DBNDD1: variants seen among roughly 807,000 people sequenced by gnomAD.
The protein encoded by DBNDD1 is dysbindin domain-containing protein 1.
Under a neutral mutation model 17.0 loss-of-function variants are expected in DBNDD1, and 14 were observed. The observed-to-expected ratio is 0.82, with a 90% confidence interval of 0.54 to 1.29. The LOEUF (loss-of-function observed/expected upper bound fraction) is 1.29, where lower values mean the gene tolerates loss of function less well. DBNDD1 is among the 50% of genes most tolerant of loss of function. The pLI, the probability that DBNDD1 is intolerant of heterozygous loss-of-function variation, is 0.00. For missense variants in DBNDD1, 221 were observed against 216.2 expected (o/e 1.02, Z -0.14); for synonymous variants, 105 against 102.0 (o/e 1.03, Z -0.18).
chr16:90,008,686 C>G, intron 3 of DBNDD1, 98 bp downstream of exon 3: 1 of 1,082,648 alleles, frequency 9.2e-7, no homozygotes, highest in Non-Finnish European at 1.3e-6. Flanking sequence ...CAGGACGTCC[C>G]AAGGGCCCTC....
chr16:90,015,273 T>C (rs1372955189), intron 1 of DBNDD1, among the ~76,000 whole-genome samples: 1 of 152,142 alleles, frequency 6.6e-6, no homozygotes, highest in Non-Finnish European at 1.5e-5. Context: ...CAGAAGAATG[T>C]GATACCAGGG....
intron 1 of DBNDD1, chr16:90,009,986 T>G: frequency 6.2e-7 from 1 of 1,614,226 alleles, no homozygotes; most frequent in South Asian, 1.1e-5. Flanking sequence ...TGCCATTCTG[T>G]GATCCCTTAG....
chr16:90,013,742 G>A (rs906846846), intron 1 of DBNDD1, among the ~76,000 whole-genome samples: 2 of 152,166 alleles, frequency 1.3e-5, no homozygotes, highest in Admixed American at 6.5e-5. Context: ...CAAGACTTCC[G>A]AATCACCCTC....
intron 1 of DBNDD1, among the ~76,000 whole-genome samples, chr16:90,017,339 C>CA (rs1429330906): frequency 1.3e-5 from 2 of 151,870 alleles, no homozygotes; most frequent in African/African-American, 4.8e-5. Flanking sequence ...ACTAAAAGTA[C>CA]AAAAAATCAG....
chr16:90,019,703 G>A, upstream of DBNDD1: 1 of 576,008 alleles, frequency 1.7e-6, no homozygotes, highest in Non-Finnish European at 3.0e-6. This position sits in a 1 kb window ranked among gnomAD's most constrained non-coding sequence, Gnocchi z 6.1. Context: ...CCCCGGCCGG[G>A]CGTCCGGGGC....
chr16:90,009,169 G>A (rs1248571043), intron 2 of DBNDD1, 115 bp downstream of exon 2: 12 of 1,456,660 alleles, frequency 8.2e-6, no homozygotes, highest in African/African-American at 2.9e-5. Flanking sequence ...AGCACACAGC[G>A]CCGGACCTAG....
At chr16:90,006,810 C>T in intron 3 of DBNDD1, 1 of 287,616 alleles carries the variant, frequency 3.5e-6, no homozygotes, top group Admixed American at 4.1e-5. Context: ...AACTGTTCCC[C>T]CCGCAGGTGT....
chr16:90,009,155 G>A, intron 2 of DBNDD1, 129 bp downstream of exon 2: 1 of 1,395,822 alleles, frequency 7.2e-7, no homozygotes, highest in Non-Finnish European at 9.6e-7. Flanking sequence ...AGCTGCAAGA[G>A]CCTAGCACAC....
At chr16:90,019,809 C>CG (rs2035747776), upstream of DBNDD1, 1 of 685,108 alleles carries the variant, frequency 1.5e-6, no homozygotes, top group Non-Finnish European at 2.6e-6. The surrounding 1 kb of genome is among the most constrained non-coding windows in gnomAD (Gnocchi z 6.1). Context: ...GGGCGCCCCT[C>CG]GGGGCTGGCG....
intron 3 of DBNDD1, among the ~76,000 whole-genome samples, chr16:90,008,218 A>C (rs61248647): frequency 0.03 from 128 of 4,220 alleles, 3 homozygotes; most frequent in Non-Finnish European, 0.051. Context: ...TCACCCCCCA[A>C]ACACACCTCC....
intron 1 of DBNDD1, chr16:90,009,829 T>C (rs961978818): frequency 2.2e-6 from 2 of 917,356 alleles, no homozygotes; most frequent in Non-Finnish European, 3.3e-6. Context: ...TGGATTTCCA[T>C]GTCCAGCCTC....
At chr16:90,017,611 G>T (rs1334963398) in intron 1 of DBNDD1, among the ~76,000 whole-genome samples, 2 of 152,256 alleles carry the variant, frequency 1.3e-5, no homozygotes, top group African/African-American at 4.8e-5. Context: ...CTGGAGAGGA[G>T]GCTGTGGGCC....
chr16:90,016,146 G>C (rs1597584609), intron 1 of DBNDD1, among the ~76,000 whole-genome samples: 2 of 152,302 alleles, frequency 1.3e-5, no homozygotes, highest in East Asian at 3.9e-4. Flanking sequence ...CCCCAGAGCA[G>C]GCTGGGACTG....
chr16:90,014,007 T>A (rs1003548218), intron 1 of DBNDD1, among the ~76,000 whole-genome samples: 4 of 151,894 alleles, frequency 2.6e-5, no homozygotes, highest in African/African-American at 7.3e-5. Flanking sequence ...GCAGGGGTGG[T>A]GTGTGCAGGT....
chr16:90,006,723 G>A (rs1402396235), intron 3 of DBNDD1: 2 of 582,954 alleles, frequency 3.4e-6, no homozygotes, highest in African/African-American at 3.7e-5. Flanking sequence ...CTTTTCTGGT[G>A]CTCCCCGGAG....
chr16:90,011,544 G>A (rs553960059), intron 1 of DBNDD1: 3 of 405,326 alleles, frequency 7.4e-6, no homozygotes, highest in African/African-American at 4.1e-5. Context: ...GTGTCCCCTC[G>A]CCCCGTCGGC....
intron 1 of DBNDD1, among the ~76,000 whole-genome samples, chr16:90,018,599 T>C (rs2151266914): frequency 6.6e-6 from 1 of 152,302 alleles, no homozygotes; most frequent in Non-Finnish European, 1.5e-5. Flanking sequence ...CGAAAGCCCT[T>C]TTGGAAAAGT....
intron 1 of DBNDD1, among the ~76,000 whole-genome samples, chr16:90,012,318 C>T (rs1019156093): frequency 1.3e-5 from 2 of 152,190 alleles, no homozygotes; most frequent in Admixed American, 6.5e-5. Context: ...TACAGGGGCT[C>T]TTACCTCCCC....
intron 1 of DBNDD1, among the ~76,000 whole-genome samples, chr16:90,011,354 C>T (rs1764056385): frequency 6.6e-6 from 1 of 152,254 alleles, no homozygotes; most frequent in South Asian, 2.1e-4. Flanking sequence ...ACCCCCACCC[C>T]TCCCCAGCAG....
Sources: allele counts gnomAD v4.1 joint callset (sites outside exome capture counted in the v4.1 genomes callset), GRCh38; gene constraint gnomAD v4.1.1; non-coding constraint Gnocchi (gnomAD v3.1); transcripts MANE v1.5; gene names NCBI Gene and HGNC (gene_info 2026-07-23, HGNC 2026-07-21).